Variants in CUL9 observed in about 807,000 individuals in gnomAD.
The protein encoded by CUL9 is cullin 9.
Under a neutral mutation model 272.6 loss-of-function variants are expected in CUL9, and 79 were observed. That is an observed-to-expected ratio of 0.29 (90% CI 0.24 to 0.35). The LOEUF (loss-of-function observed/expected upper bound fraction) is 0.35, where lower values mean the gene tolerates loss of function less well. Among genes scored for constraint, CUL9 ranks in the 10% least tolerant of loss-of-function variants. CUL9 has a pLI of 1.00. For synonymous variants in CUL9, 1,186 were observed against 1,286.5 expected (o/e 0.92, Z 1.67); for missense variants, 2,532 against 3,255.6 (o/e 0.78, Z 5.41).
chr6:43,189,181 A>AT (rs1582298303), intron 8 of CUL9, among the ~76,000 whole-genome samples: 1 of 148,948 alleles, frequency 6.7e-6, no homozygotes, highest in East Asian at 2.0e-4. Context: ...TTTATTTTAA[A>AT]TTTTTTTCTA....
At position 43,200,034 on chromosome 6, in the gene CUL9, C is replaced by G; in HGVS notation, c.3262C>G (p.Leu1088Val). Residue 1088 changes from leucine (L) to valine (V), a missense_variant, in exon 14 of 41, where the codon CTG becomes GTG. Physicochemically the swap from Leu to Val is conservative, Grantham distance 32. Coordinates refer to ENST00000252050, the MANE Select transcript of CUL9 (RefSeq NM_015089.4). The surrounding 1 kb of genome is among the most constrained non-coding windows in gnomAD (Gnocchi z 4.0). ...LGAKEILSKVLDKHSAQLLLG... is the reference protein window; with the variant it reads ...LGAKEILSKVVDKHSAQLLLG... The stretch of plus-strand genomic sequence containing the variant: ...AGCAAAAGAGATCCTCTCCAAAGTC[C>G]TGGACAAGCACTCAGCTCAGCTGCT... The G allele has an allele frequency of 6.2e-7, 1 of 1,614,232 alleles. No homozygotes were observed. Among genetic ancestry groups the G allele is most frequent in the African/African-American group, 1.3e-5 (1 of 75,056 alleles).
Position 43,200,291 on chromosome 6 carries a change from G to T in CUL9, c.3384+135G>T. ...TCTGGGGCACTTGTTTCCTAACCTT[G>T]ACTCCACATGGTTCTGTCAAAATGT... On this transcript the variant is annotated intron_variant, in intron 14 of 40. Transcript: ENST00000252050. This position sits in a 1 kb window ranked among gnomAD's most constrained non-coding sequence, Gnocchi z 4.0. The T allele has an allele frequency of 1.3e-6, 2 of 1,482,132 alleles. No homozygotes were observed. The highest frequency in any genetic ancestry group is 1.8e-6 in the Non-Finnish European group (2 of 1,081,700). The allele number at this position is 1,482,132 out of a possible 1,614,324, so 91.8% of individuals were successfully genotyped here. A position where few individuals can be genotyped will look rare whatever the true frequency, so the allele number is the denominator to read the frequency against.
chr6:43,199,147 G>A lies in CUL9; in HGVS notation c.3051-119G>A. The A allele has an allele frequency of 2.3e-6, 2 of 870,350 alleles. No individual in the cohort carries two copies. The highest frequency in any genetic ancestry group is 3.0e-5 in the South Asian group (2 of 66,998). 53.9% of individuals were successfully genotyped at this position (870,350 alleles called of 1,614,324 possible). On this transcript the variant is annotated intron_variant, in intron 12 of 40. Transcript: ENST00000252050. This position sits in a 1 kb window ranked among gnomAD's most constrained non-coding sequence, Gnocchi z 4.4. ...GATGGGGTTTCTCCATTTTGGTCAG[G>A]CTGGTCTCGAACTCCCGACCTCAGG... is the stretch of plus-strand genomic sequence containing the variant.
chr6:43,202,949 C>A, intron 17 of CUL9, 128 bp downstream of exon 17: 1 of 1,203,168 alleles, frequency 8.3e-7, no homozygotes, highest in Non-Finnish European at 1.2e-6. Context: ...GCCTTGTAAG[C>A]AGTGAGAGTG....
In CUL9 at chr6:43,203,103, T is replaced by C. The variant is rs1205256031; in HGVS notation, c.3754-6T>C. On this transcript the variant is annotated splice_region_variant and splice_polypyrimidine_tract_variant and intron_variant, in intron 17 of 40. Coordinates refer to ENST00000252050, the MANE Select transcript of CUL9 (RefSeq NM_015089.4). This position sits in a 1 kb window ranked among gnomAD's most constrained non-coding sequence, Gnocchi z 5.0. ...GTTCTCTCCCTCTTCTCCCCTGCCCTACCAGGTGAATGTGATGCCCTCTGC... is the reference window on the plus strand; with the variant it reads ...GTTCTCTCCCTCTTCTCCCCTGCCCCACCAGGTGAATGTGATGCCCTCTGC... 5.6e-6 allele frequency: 9 copies of C among 1,613,010 alleles called. No homozygotes were observed. Among genetic ancestry groups the C allele is most frequent in the Non-Finnish European group, 7.6e-6 (9 of 1,179,966 alleles).
Position 43,198,800 on chromosome 6 carries a change from C to G in CUL9, c.2995C>G (p.Leu999Val), listed in dbSNP as rs1440940736. Residue 999 changes from leucine (L) to valine (V), a missense_variant, in exon 12 of 41, where the codon CTG (leucine) becomes GTG (valine). Coordinates refer to ENST00000252050, the MANE Select transcript of CUL9 (RefSeq NM_015089.4). ...GGAGACCCAGCCTTTCCTCCTGTTG[C>G]TGCGGACTCTGGATGCTCCGGGGCC... ...QQETQPFLLL[L>V]RTLDAPGPNK... 6.2e-7 allele frequency: 1 copy of G among 1,613,760 alleles called. No individual in the cohort carries two copies. Among genetic ancestry groups the G allele is most frequent in the Non-Finnish European group, 8.5e-7 (1 of 1,180,038 alleles).
At chr6:43,189,134 G>A (rs868084662) in intron 8 of CUL9, among the ~76,000 whole-genome samples, 6 of 132,564 alleles carry the variant, frequency 4.5e-5, no homozygotes, top group South Asian at 4.6e-4. Flanking sequence ...CTGTCCCTAC[G>A]TACTTTTTTT....
At position 43,199,845 on chromosome 6, in the gene CUL9, C is replaced by T; in HGVS notation, c.3157-84C>T. On this transcript the variant is annotated intron_variant, in intron 13 of 40. Coordinates refer to ENST00000252050, the MANE Select transcript of CUL9 (RefSeq NM_015089.4). The surrounding 1 kb of genome is among the most constrained non-coding windows in gnomAD (Gnocchi z 4.4). ...TGTCTCCACAATCTCAGCCACGACA[C>T]TTCCTTTACTGAACCCTCTCCTCAA... is the stretch of plus-strand genomic sequence containing the variant. 1 of 1,129,920 alleles carries T rather than the reference C, an allele frequency of 8.9e-7. No individual in the cohort carries two copies. Among genetic ancestry groups the T allele is most frequent in the Non-Finnish European group, 1.3e-6 (1 of 753,162 alleles). The allele number at this position is 1,129,920 out of a possible 1,614,324, so 70.0% of individuals were successfully genotyped here. A position where few individuals can be genotyped will look rare whatever the true frequency, so the allele number is the denominator to read the frequency against.
At position 43,192,193 on chromosome 6, in the gene CUL9, C is replaced by G. The variant is rs566174475; in HGVS notation, c.2181-808C>G. 8.6e-5 allele frequency among the ~76,000 whole-genome samples: 13 copies of G among 151,688 alleles called. No homozygotes were observed. The East Asian group carries it at 2.3e-3, about 27-fold the overall frequency. On this transcript the variant is annotated intron_variant, in intron 8 of 40. Transcript: ENST00000252050. ...CCTCCCACCTCAGCCTCCCAAGTAC[C>G]TGAGACTACAGGCACAGGTCACTAT...
At position 43,194,678 on chromosome 6, in the gene CUL9, A is replaced by T. The variant is rs192154244; in HGVS notation, c.2389-1391A>T. Among the ~76,000 whole-genome samples, 7 of 152,224 alleles carry T rather than the reference A, an allele frequency of 4.6e-5. No individual in the cohort carries two copies. The East Asian group carries it at 1.4e-3, about 29-fold the overall frequency. On this transcript the variant is annotated intron_variant, in intron 9 of 40. Transcript: ENST00000252050. ...CCAGGCATTCATAGTCCAGATCATC[A>T]TGCTCAAAGAATTCCCTGATCCTCT...
At chr6:43,204,126 C>T in intron 20 of CUL9, 139 bp downstream of exon 20, 1 of 1,188,068 alleles carries the variant, frequency 8.4e-7, no homozygotes. Context: ...TCTCTCCTTC[C>T]TGCCCCAGGC....
In CUL9 at chr6:43,221,588, G is replaced by T; in HGVS notation, c.6753-97G>T. 1 of 1,157,310 alleles carries T rather than the reference G, an allele frequency of 8.6e-7. No individual in the cohort carries two copies. 71.7% of individuals were successfully genotyped at this position (1,157,310 alleles called of 1,614,324 possible). On this transcript the variant is annotated intron_variant, in intron 34 of 40. Transcript: ENST00000252050. The surrounding 1 kb of genome is among the most constrained non-coding windows in gnomAD (Gnocchi z 4.2). ...AGGAGACTATCAGGGCAGGAGCAGA[G>T]GCCACAGCATCAACAGCGGTACATC...
Position 43,218,034 on chromosome 6 carries a change from T to C in CUL9, c.6282+1531T>C, listed in dbSNP as rs1776056748. On this transcript the variant is annotated intron_variant, in intron 31 of 40. Coordinates refer to ENST00000252050, the MANE Select transcript of CUL9 (RefSeq NM_015089.4). This position sits in a 1 kb window ranked among gnomAD's most constrained non-coding sequence, Gnocchi z 4.4. ...TTGCCAAAGGTCAGGATTTGAATTT[T>C]GGCAGTCTCAGGCAATCCTCCCGCC... 1.3e-5 allele frequency among the ~76,000 whole-genome samples: 2 copies of C among 152,216 alleles called. No homozygotes were observed.
rs986898534 is a variant in CUL9 at position 43,220,977 on chromosome 6, C to T, written c.6588+66C>T. On this transcript the variant is annotated intron_variant, in intron 33 of 40. Coordinates refer to ENST00000252050, the MANE Select transcript of CUL9 (RefSeq NM_015089.4). The surrounding 1 kb of genome is among the most constrained non-coding windows in gnomAD (Gnocchi z 4.9). The stretch of plus-strand genomic sequence containing the variant: ...ACACTCCTTCCCTGCTTAATATCCC[C>T]ACCCCGCCACACACACAGACTGTGA... 2.5e-5 allele frequency: 38 copies of T among 1,496,362 alleles called. No homozygotes were observed. The African/African-American group carries it at 3.9e-4, about 15-fold the overall frequency. The allele number at this position is 1,496,362 out of a possible 1,614,324, so 92.7% of individuals were successfully genotyped here.
intron 31 of CUL9, among the ~76,000 whole-genome samples, chr6:43,217,626 T>C (rs1776033696): frequency 6.6e-6 from 1 of 152,232 alleles, no homozygotes; most frequent in South Asian, 2.1e-4. Flanking sequence ...CGTGTCTGCA[T>C]GTGCTTGTGT....
At chr6:43,217,288 C>T (rs542990556) in intron 31 of CUL9, among the ~76,000 whole-genome samples, 2 of 152,094 alleles carry the variant, frequency 1.3e-5, no homozygotes, top group Non-Finnish European at 2.9e-5. Flanking sequence ...GCCTGGGAGG[C>T]GGAGGCTGCA....
chr6:43,188,787 C>A, intron 8 of CUL9, 72 bp downstream of exon 8: 3 of 1,292,848 alleles, frequency 2.3e-6, no homozygotes, highest in South Asian at 1.4e-5. Context: ...GGGGAAGGAG[C>A]TTTGAGATCA....
At chr6:43,212,009 T>C (rs1219034704) in intron 26 of CUL9, among the ~76,000 whole-genome samples, 1 of 152,252 alleles carries the variant, frequency 6.6e-6, no homozygotes, top group Non-Finnish European at 1.5e-5. Context: ...CACCTCCCAT[T>C]TTATCCTCCT....
chr6:43,190,177 A>G (rs556301583), intron 8 of CUL9, among the ~76,000 whole-genome samples: 1 of 152,312 alleles, frequency 6.6e-6, no homozygotes, highest in African/African-American at 2.4e-5. Context: ...TACGTCTGCC[A>G]ACACTGAATA....
Sources: allele counts gnomAD v4.1 joint callset (sites outside exome capture counted in the v4.1 genomes callset), GRCh38; gene constraint gnomAD v4.1.1; non-coding constraint Gnocchi (gnomAD v3.1); transcripts MANE v1.5; gene names NCBI Gene and HGNC (gene_info 2026-07-23, HGNC 2026-07-21).